ADAP1: variants seen among roughly 807,000 people sequenced by gnomAD.
ADAP1 encodes the protein arf-GAP with dual PH domain-containing protein 1.
A neutral mutation model predicts 54.9 loss-of-function variants in ADAP1; 31 were observed. The observed-to-expected ratio is 0.56, with a 90% CI of 0.42 to 0.76. The LOEUF (loss-of-function observed/expected upper bound fraction) is 0.76, where lower values mean the gene tolerates loss of function less well. Among genes scored for constraint, ADAP1 ranks in the 30% least tolerant of loss-of-function variants. The probability of loss-of-function intolerance (pLI) is 0.00; values close to 1 mark genes in which losing one functional copy is unlikely to be tolerated. For synonymous variants in ADAP1, 313 were observed against 202.6 expected (o/e 1.55, Z -4.63); for missense variants, 535 against 512.4 (o/e 1.04, Z -0.42).
At chr7:900,913 CG>C in intron 6 of ADAP1, 1 of 578,160 alleles carries the variant, frequency 1.7e-6, no homozygotes. Context: ...TGGACAGGGT[CG>C]GGGGCTGCCA....
chr7:912,588 G>T (rs1259592781), intron 4 of ADAP1, among the ~76,000 whole-genome samples: 2 of 152,208 alleles, frequency 1.3e-5, no homozygotes, highest in African/African-American at 4.8e-5. Flanking sequence ...CTTCTCCCCC[G>T]GTCCTTTGTC....
Position 900,560 on chromosome 7 carries a change from C to T in ADAP1, c.705G>A (p.Val235=), listed in dbSNP as rs1458630555. The T allele has an allele frequency of 5.6e-6, 9 of 1,611,226 alleles. No homozygotes were observed. Among genetic ancestry groups the T allele is most frequent in the Non-Finnish European group, 7.6e-6 (9 of 1,179,296 alleles). ...CTGCGTCGCCGGCCCCTGGGAATGCCACCTGCAGGTAGTGGAAGCGAGCAG... is the reference window on the plus strand; with the variant it reads ...CTGCGTCGCCGGCCCCTGGGAATGCTACCTGCAGGTAGTGGAAGCGAGCAG... The part of the protein sequence containing the change: ...LRAARFHYLQ[V]AFPGAGDADL... The change falls in exon 7 of 11, where the codon GTG becomes GTA. Residue 235 remains valine, a synonymous_variant. Transcript: ENST00000265846.
intron 6 of ADAP1, chr7:903,855 CAG>C: frequency 2.5e-6 from 1 of 401,964 alleles, no homozygotes; most frequent in South Asian, 2.6e-5. Context: ...GCCCCAGAGA[CAG>C]CGTGGTGATC....
intron 4 of ADAP1, among the ~76,000 whole-genome samples, chr7:914,132 T>C (rs1220761143): frequency 6.6e-6 from 1 of 152,284 alleles, no homozygotes; most frequent in East Asian, 1.9e-4. Flanking sequence ...CTGTGGGCAC[T>C]GGGCGTGGCA....
chr7:949,719 C>T (rs1045813127), intron 1 of ADAP1, among the ~76,000 whole-genome samples: 8 of 152,194 alleles, frequency 5.3e-5, no homozygotes, highest in East Asian at 3.9e-4. Flanking sequence ...GGGCACCAGG[C>T]GCAGGACAGA....
At chr7:899,359 C>A in intron 9 of ADAP1, 60 bp downstream of exon 9, 2 of 1,607,450 alleles carry the variant, frequency 1.2e-6, no homozygotes, top group South Asian at 1.1e-5. Flanking sequence ...CCTGGTCACG[C>A]ATCTGGCAAC....
intron 3 of ADAP1, among the ~76,000 whole-genome samples, chr7:925,868 G>T (rs1846366515): frequency 6.6e-6 from 1 of 152,222 alleles, no homozygotes; most frequent in Non-Finnish European, 1.5e-5. Context: ...GTGAGGCTGG[G>T]ATTGAACCAG....
At chr7:921,103 G>A (rs954853644) in intron 3 of ADAP1, among the ~76,000 whole-genome samples, 11 of 152,156 alleles carry the variant, frequency 7.2e-5, no homozygotes, top group South Asian at 2.1e-4. Flanking sequence ...GTATCATCTC[G>A]GTCACGGAGG....
chr7:906,694 C>G (rs879600667), intron 4 of ADAP1, among the ~76,000 whole-genome samples: 13 of 28,856 alleles, frequency 4.5e-4, no homozygotes, highest in East Asian at 4.0e-3. Context: ...ACACGGGGGA[C>G]ATGGACATGG....
chr7:924,945 C>G (rs1326372540), intron 3 of ADAP1, among the ~76,000 whole-genome samples: 2 of 151,996 alleles, frequency 1.3e-5, no homozygotes, highest in Non-Finnish European at 1.5e-5. Flanking sequence ...CAGGGGGAGA[C>G]AGCAGCTGGC....
intron 2 of ADAP1, among the ~76,000 whole-genome samples, chr7:930,995 GAGAA>G (rs1167258050): frequency 7.8e-5 from 10 of 128,352 alleles, no homozygotes; most frequent in South Asian, 2.7e-4. Flanking sequence ...AAAAAAAAAA[GAGAA>G]AGGAAGGAAG....
intron 4 of ADAP1, among the ~76,000 whole-genome samples, chr7:907,023 G>C (rs932075933): frequency 6.6e-6 from 1 of 152,116 alleles, no homozygotes; most frequent in South Asian, 2.1e-4. Flanking sequence ...CCAACCTCGT[G>C]CTGCCCGGGA....
At chr7:906,746 TAG>T (rs1845450224) in intron 4 of ADAP1, among the ~76,000 whole-genome samples, 3 of 23,226 alleles carry the variant, frequency 1.3e-4, no homozygotes, top group Admixed American at 8.1e-4. Context: ...ACAGAGTACA[TAG>T]GGGACATGGA....
In ADAP1 at chr7:926,207, C is replaced by A. The variant is rs1252569132; in HGVS notation, c.305+346G>T. Among the ~76,000 whole-genome samples the A allele has an allele frequency of 6.6e-6, 1 of 151,312 alleles. No homozygotes were observed. Among genetic ancestry groups the A allele is most frequent in the African/African-American group, 2.4e-5 (1 of 41,156 alleles). On this transcript the variant is annotated intron_variant, in intron 3 of 10. Coordinates refer to ENST00000265846, the MANE Select transcript of ADAP1 (RefSeq NM_006869.4). This position sits in a 1 kb window ranked among gnomAD's most constrained non-coding sequence, Gnocchi z 4.6. ...TGAGGAGCCAGGGCAGGCCCCGAAA[C>A]AACAGCCGCCCCTCCCGTTCCCCTC... is the stretch of plus-strand genomic sequence containing the variant.
chr7:940,091 G>T (rs1220933664), intron 1 of ADAP1, among the ~76,000 whole-genome samples: 1 of 151,504 alleles, frequency 6.6e-6, no homozygotes, highest in Non-Finnish European at 1.5e-5. Context: ...CTTGGTATTT[G>T]TGTGTGAGCA....
chr7:924,981 G>A (rs907211114), intron 3 of ADAP1, among the ~76,000 whole-genome samples: 83 of 152,094 alleles, frequency 5.5e-4, no homozygotes, highest in Non-Finnish European at 1.1e-3. Context: ...ATGAGAGTAC[G>A]GGGGGCCAGG....
chr7:912,413 C>T (rs1017191489), intron 4 of ADAP1, among the ~76,000 whole-genome samples: 5 of 152,152 alleles, frequency 3.3e-5, no homozygotes, highest in African/African-American at 1.2e-4. Context: ...GGCTCAGACA[C>T]AAGGATAAAC....
At chr7:942,326 G>A (rs1373585938) in intron 1 of ADAP1, among the ~76,000 whole-genome samples, 1 of 141,114 alleles carries the variant, frequency 7.1e-6, no homozygotes, top group African/African-American at 2.7e-5. Flanking sequence ...GGAGGAGGAA[G>A]GGAGAGAGGA....
At chr7:915,511 G>C (rs542703655) in intron 4 of ADAP1, among the ~76,000 whole-genome samples, 1 of 152,208 alleles carries the variant, frequency 6.6e-6, no homozygotes, top group African/African-American at 2.4e-5. Context: ...CTTGGGCTCC[G>C]ACCCTGCGAG....
Sources: gnomAD v4.1 joint callset for allele counts (sites outside exome capture counted in the v4.1 genomes callset) on GRCh38, gnomAD v4.1.1 for gene constraint, Gnocchi (gnomAD v3.1) non-coding constraint, MANE v1.5 for transcripts, NCBI Gene and HGNC (gene_info 2026-07-23, HGNC 2026-07-21) for gene names.